Variants in CDKAL1 observed in about 807,000 individuals in gnomAD.
CDKAL1 encodes CDKAL1 threonylcarbamoyladenosine tRNA methylthiotransferase, also known as threonylcarbamoyladenosine tRNA methylthiotransferase.
In CDKAL1, 32 loss-of-function variants were observed where a neutral mutation model predicts 68.2. The ratio of observed to expected loss-of-function variants is 0.47; its 90% CI spans 0.35 to 0.63. The LOEUF (loss-of-function observed/expected upper bound fraction) is 0.63, where lower values mean the gene tolerates loss of function less well. CDKAL1 is among the 30% of genes least tolerant of loss of function. The pLI is 0.00. For missense variants in CDKAL1, 606 were observed against 696.7 expected (o/e 0.87, Z 1.47); for synonymous variants, 234 against 244.3 (o/e 0.96, Z 0.39).
intron 10 of CDKAL1, among the ~76,000 whole-genome samples, chr6:20,997,868 A>T (rs1224524288): frequency 6.6e-6 from 1 of 152,174 alleles, no homozygotes; most frequent in Non-Finnish European, 1.5e-5. Context: ...TGATACAGGG[A>T]ACTTAAAATA....
chr6:21,217,484 T>TTTTATTG (rs1215123450), intron 15 of CDKAL1, among the ~76,000 whole-genome samples: 4 of 140,904 alleles, frequency 2.8e-5, no homozygotes, highest in African/African-American at 1.2e-4. Context: ...ATTTTTTATT[T>TTTTATTG]TTATTTATTT....
intron 7 of CDKAL1, among the ~76,000 whole-genome samples, chr6:20,769,386 G>T (rs34801493): frequency 6.6e-6 from 1 of 150,742 alleles, no homozygotes; most frequent in African/African-American, 2.4e-5. Flanking sequence ...AGCCTCCCAA[G>T]TAGCTGGGAT....
intron 4 of CDKAL1, among the ~76,000 whole-genome samples, chr6:20,568,251 T>G (rs1764543060): frequency 6.6e-6 from 1 of 152,066 alleles, no homozygotes; most frequent in South Asian, 2.1e-4. Context: ...ACTCCTGGCC[T>G]CAAGGGATCC....
intron 8 of CDKAL1, among the ~76,000 whole-genome samples, chr6:20,815,058 T>G (rs1350055453): frequency 2.0e-5 from 3 of 152,218 alleles, no homozygotes; most frequent in African/African-American, 7.2e-5. Context: ...GTCTAATATC[T>G]GAACATGTTT....
At chr6:20,623,719 T>C (rs1767298243) in intron 4 of CDKAL1, among the ~76,000 whole-genome samples, 1 of 152,132 alleles carries the variant, frequency 6.6e-6, no homozygotes, top group African/African-American at 2.4e-5. Flanking sequence ...CAGTATGCAG[T>C]AGACCTTTAT....
intron 9 of CDKAL1, among the ~76,000 whole-genome samples, chr6:20,902,323 AC>A (rs1266109648): frequency 1.8e-5 from 1 of 56,932 alleles, no homozygotes; most frequent in South Asian, 5.0e-4. Context: ...ACACACACAC[AC>A]ACACACACAC....
rs1000501533 is a variant in CDKAL1, at chr6:21,133,034, C to A, written c.1299+24571C>A. ...CATCTTTCGGCAGCCTTTCTCCCTA[C>A]AACTGCCCCAAAAATAGTCATTAGT... On this transcript the variant is annotated intron_variant, in intron 13 of 15. Transcript: ENST00000274695. 2.6e-5 allele frequency among the ~76,000 whole-genome samples: 4 copies of A among 152,182 alleles called. No homozygotes were observed. The South Asian group carries it at 6.2e-4, about 24-fold the overall frequency.
chr6:21,009,103 T>C (rs1767882249), intron 11 of CDKAL1, among the ~76,000 whole-genome samples: 1 of 152,208 alleles, frequency 6.6e-6, no homozygotes, highest in African/African-American at 2.4e-5. Context: ...ATGGCACATA[T>C]TATATACAAA....
chr6:20,676,694 TAAATAAATAAAATA>T (rs1262109015), intron 5 of CDKAL1, among the ~76,000 whole-genome samples: 2 of 124,556 alleles, frequency 1.6e-5, no homozygotes, highest in African/African-American at 1.1e-4. Context: ...AATAAATAAA[TAAATAAATAAAATA>T]AAATAAAATA....
chr6:20,582,968 A>G (rs1445046636), intron 4 of CDKAL1, among the ~76,000 whole-genome samples: 2 of 152,130 alleles, frequency 1.3e-5, no homozygotes, highest in African/African-American at 4.8e-5. Context: ...TCAAAGTAGG[A>G]CTGGAGAGAG....
chr6:20,755,471 A>T (rs1774128928), intron 6 of CDKAL1, among the ~76,000 whole-genome samples: 1 of 151,326 alleles, frequency 6.6e-6, no homozygotes, highest in Non-Finnish European at 1.5e-5. Flanking sequence ...TCCAACCCCC[A>T]GCCACTTCAT....
At chr6:21,155,345 C>G (rs1776596110) in intron 13 of CDKAL1, among the ~76,000 whole-genome samples, 1 of 152,112 alleles carries the variant, frequency 6.6e-6, no homozygotes, top group Non-Finnish European at 1.5e-5. Context: ...GTACCAATTC[C>G]TTGTACAATT....
intron 5 of CDKAL1, among the ~76,000 whole-genome samples, chr6:20,680,657 A>G (rs1482544760): frequency 6.6e-6 from 1 of 152,194 alleles, no homozygotes; most frequent in Non-Finnish European, 1.5e-5. Flanking sequence ...ACTGAATGTT[A>G]TCTCCCTCTG....
chr6:20,646,537 CAT>C (rs199960574), intron 4 of CDKAL1, among the ~76,000 whole-genome samples: 5,621 of 152,262 alleles, frequency 0.037, 112 homozygotes, highest in Middle Eastern at 0.068. Context: ...TTATGCAACA[CAT>C]GTTTTCCCTT....
At chr6:21,174,989 G>T (rs1007407633) in intron 13 of CDKAL1, among the ~76,000 whole-genome samples, 6 of 152,180 alleles carry the variant, frequency 3.9e-5, no homozygotes, top group African/African-American at 1.4e-4. Context: ...AAGGCGCTGG[G>T]CTTTCTCCTG....
chr6:21,203,156 C>CGT (rs1778756988), intron 15 of CDKAL1, among the ~76,000 whole-genome samples: 1 of 148,218 alleles, frequency 6.7e-6, no homozygotes, highest in South Asian at 2.2e-4. Context: ...CGCAAGCAAT[C>CGT]GTCCCACATC....
chr6:21,222,680 G>T (rs953710580), intron 15 of CDKAL1, among the ~76,000 whole-genome samples: 7 of 152,134 alleles, frequency 4.6e-5, no homozygotes, highest in African/African-American at 1.7e-4. Flanking sequence ...CTGGTATCTG[G>T]TAATAACATG....
intron 12 of CDKAL1, among the ~76,000 whole-genome samples, chr6:21,078,809 G>A (rs1056220928): frequency 4.6e-5 from 7 of 152,088 alleles, no homozygotes; most frequent in African/African-American, 1.7e-4. Context: ...TGATCACCCT[G>A]TTCTCCTCCC....
Position 20,965,439 on chromosome 6 carries a change from A to C in CDKAL1, c.909+9854A>C, listed in dbSNP as rs1222537581. 5.1e-5 allele frequency among the ~76,000 whole-genome samples: 6 copies of C among 118,274 alleles called. No individual in the cohort carries two copies. The East Asian group carries it at 1.6e-3, about 31-fold the overall frequency. 77.6% of individuals were successfully genotyped at this position (118,274 alleles called of 152,430 possible). A position where few individuals can be genotyped will look rare whatever the true frequency, so the allele number is the denominator to read the frequency against. On this transcript the variant is annotated intron_variant, in intron 10 of 15. Transcript: ENST00000274695. ...TCGAGAGGGGAGGGGAGGGGAGGGG[A>C]GGGGGAACATTATAATCATAGTTGA...
Sources: gnomAD v4.1 joint callset for allele counts (sites outside exome capture counted in the v4.1 genomes callset) on GRCh38, gnomAD v4.1.1 for gene constraint, MANE v1.5 for transcripts, NCBI Gene and HGNC (gene_info 2026-07-23, HGNC 2026-07-21) for gene names.